The following SERGEF variants were observed in gnomAD, a reference collection of about 807,000 sequenced individuals.
SERGEF encodes secretion regulating guanine nucleotide exchange factor, also known as secretion-regulating guanine nucleotide exchange factor.
A neutral mutation model predicts 50.0 loss-of-function variants in SERGEF; 51 were observed. The observed-to-expected ratio is 1.02, with a 90% CI of 0.81 to 1.29. The LOEUF (loss-of-function observed/expected upper bound fraction) is 1.29. SERGEF is among the 50% of genes most tolerant of loss of function. The pLI is 0.00. For synonymous variants in SERGEF, 205 were observed against 212.4 expected (o/e 0.97, Z 0.30); for missense variants, 521 against 557.0 (o/e 0.94, Z 0.65).
chr11:17,952,424 A>G (rs1432222330), intron 9 of SERGEF, among the ~76,000 whole-genome samples: 1 of 152,174 alleles, frequency 6.6e-6, no homozygotes, highest in Non-Finnish European at 1.5e-5. Context: ...TGAAAGAAAG[A>G]AAAGGTCTCC....
intron 8 of SERGEF, among the ~76,000 whole-genome samples, chr11:17,978,827 T>C (rs1425328697): frequency 1.3e-5 from 2 of 152,156 alleles, no homozygotes; most frequent in South Asian, 4.1e-4. Flanking sequence ...TTCCGAATGA[T>C]GACTCTACCA....
At chr11:17,789,632 A>G (rs1005096795) in intron 10 of SERGEF, among the ~76,000 whole-genome samples, 4 of 152,246 alleles carry the variant, frequency 2.6e-5, no homozygotes, top group African/African-American at 9.6e-5. Context: ...AAAAGAAAAG[A>G]AACAATGGAC....
rs1590245615 is a variant in SERGEF at position 18,001,895 on chromosome 11, T to G, written c.448-1338A>C. The stretch of plus-strand genomic sequence containing the variant: ...CATTTGTTTATTTACAGGTCCACAG[T>G]GTCTTTCTAAACTTTAGGACCCTCA... On this transcript the variant is annotated intron_variant, in intron 4 of 10. Coordinates refer to ENST00000265965, the MANE Select transcript of SERGEF (RefSeq NM_012139.4). 3 of 438,068 alleles carry G rather than the reference T, an allele frequency of 6.8e-6. No individual in the cohort carries two copies. In the East Asian group the frequency reaches 2.1e-4, roughly 31 times the overall value. 27.1% of individuals were successfully genotyped at this position (438,068 alleles called of 1,614,324 possible). A position where few individuals can be genotyped will look rare whatever the true frequency, so the allele number is the denominator to read the frequency against.
intron 9 of SERGEF, among the ~76,000 whole-genome samples, chr11:17,897,781 C>T (rs946532703): frequency 6.6e-6 from 1 of 152,156 alleles, no homozygotes; most frequent in African/African-American, 2.4e-5. Context: ...GATCCTATCC[C>T]CTTCCTGTCT....
At chr11:17,791,290 G>A (rs1214710756) in intron 10 of SERGEF, among the ~76,000 whole-genome samples, 3 of 152,154 alleles carry the variant, frequency 2.0e-5, no homozygotes, top group Non-Finnish European at 4.4e-5. Context: ...CTTAGAATGG[G>A]AATTCCTGGT....
intron 10 of SERGEF, among the ~76,000 whole-genome samples, chr11:17,796,867 G>C (rs1170849448): frequency 6.6e-6 from 1 of 152,162 alleles, no homozygotes; most frequent in East Asian, 1.9e-4. Flanking sequence ...CATTGCTTCA[G>C]AGAAGGCTGT....
intron 9 of SERGEF, among the ~76,000 whole-genome samples, chr11:17,935,440 GC>G (rs1852432688): frequency 6.6e-6 from 1 of 152,120 alleles, no homozygotes; most frequent in Non-Finnish European, 1.5e-5. Context: ...CTGTATTCCA[GC>G]CTGGGAAACA....
intron 8 of SERGEF, among the ~76,000 whole-genome samples, chr11:17,986,677 G>A (rs558951788): frequency 7.9e-5 from 12 of 152,190 alleles, no homozygotes; most frequent in Non-Finnish European, 1.8e-4. Context: ...CTAGTTAAAG[G>A]GTTTACTGAC....
intron 9 of SERGEF, among the ~76,000 whole-genome samples, chr11:17,893,263 G>C (rs527969220): frequency 6.6e-6 from 1 of 152,264 alleles, no homozygotes; most frequent in Admixed American, 6.5e-5. Flanking sequence ...GACATTAAAA[G>C]CCTGGTCCAA....
intron 4 of SERGEF, among the ~76,000 whole-genome samples, chr11:18,004,095 T>C (rs1353703483): frequency 6.6e-6 from 1 of 152,272 alleles, no homozygotes; most frequent in Non-Finnish European, 1.5e-5. Context: ...CCTAGCTTAG[T>C]GTCTTTCGAC....
rs150075500 is a variant in SERGEF, at chr11:17,998,238, C to G, written c.508+2259G>C. On this transcript the variant is annotated intron_variant, in intron 5 of 10. Coordinates refer to ENST00000265965, the MANE Select transcript of SERGEF (RefSeq NM_012139.4). ...ACAAGCCTGGGCAACATACCAAGAC[C>G]CCATCTCTACAAGAATAAAAATTTT... 5.8e-3 allele frequency among the ~76,000 whole-genome samples: 884 copies of G among 151,378 alleles called. 10 individuals are homozygous for G. Among genetic ancestry groups the G allele is most frequent in the Non-Finnish European group, 9.3e-3 (634 of 67,866 alleles).
At chr11:17,935,624 A>C (rs907595797) in intron 9 of SERGEF, among the ~76,000 whole-genome samples, 1 of 152,210 alleles carries the variant, frequency 6.6e-6, no homozygotes, top group East Asian at 1.9e-4. Context: ...ACAGGTAATT[A>C]GGAACGAGAA....
intron 9 of SERGEF, among the ~76,000 whole-genome samples, chr11:17,908,194 C>T (rs1189429552): frequency 6.6e-6 from 1 of 152,196 alleles, no homozygotes; most frequent in East Asian, 1.9e-4. Flanking sequence ...CCCCTCATCA[C>T]CTTCAGAACA....
chr11:17,843,613 A>C (rs1397088075), intron 10 of SERGEF, among the ~76,000 whole-genome samples: 1 of 152,218 alleles, frequency 6.6e-6, no homozygotes, highest in Admixed American at 6.5e-5. Flanking sequence ...TGCAGGAAAC[A>C]TTAAGGACAT....
intron 6 of SERGEF, 54 bp downstream of exon 6, chr11:17,995,742 G>A (rs1853823931): frequency 8.2e-7 from 1 of 1,216,312 alleles, no homozygotes; most frequent in Non-Finnish European, 1.2e-6. Flanking sequence ...GCATGTTTAT[G>A]TCTCTACTTC....
At chr11:17,964,354 G>C (rs1471488290) in intron 8 of SERGEF, among the ~76,000 whole-genome samples, 1 of 151,842 alleles carries the variant, frequency 6.6e-6, no homozygotes, top group Non-Finnish European at 1.5e-5. Context: ...ATCCATCAAG[G>C]GCTGCAGGTG....
At chr11:17,897,934 G>C (rs538652872) in intron 9 of SERGEF, among the ~76,000 whole-genome samples, 20 of 152,204 alleles carry the variant, frequency 1.3e-4, no homozygotes, top group Non-Finnish European at 2.4e-4. Flanking sequence ...GTTGGTAAAC[G>C]GTCTATCAAA....
At chr11:17,880,331 T>C (rs533711) in intron 9 of SERGEF, among the ~76,000 whole-genome samples, 105,197 of 152,054 alleles carry the variant, frequency 0.69, 37,191 homozygotes, top group African/African-American at 0.83. Flanking sequence ...AGGCTGGTTC[T>C]CTAGGTCTGT....
At chr11:17,977,356 G>A (rs1472670078) in intron 8 of SERGEF, among the ~76,000 whole-genome samples, 1 of 152,196 alleles carries the variant, frequency 6.6e-6, no homozygotes, top group African/African-American at 2.4e-5. Context: ...TAGCTATGCA[G>A]GAATCACAGA....
Sources: gnomAD v4.1 joint callset for allele counts (sites outside exome capture counted in the v4.1 genomes callset) on GRCh38, gnomAD v4.1.1 for gene constraint, MANE v1.5 for transcripts, NCBI Gene and HGNC (gene_info 2026-07-23, HGNC 2026-07-21) for gene names.